Variants in CAST observed in about 807,000 individuals in gnomAD.
CAST encodes MIR583 host.
A neutral mutation model predicts 119.6 loss-of-function variants in CAST; 76 were observed. The ratio of observed to expected loss-of-function variants is 0.64; its 90% CI spans 0.53 to 0.77. The LOEUF is 0.77. Among genes scored for constraint, CAST ranks in the 30% least tolerant of loss-of-function variants. The pLI is 0.00. For missense variants in CAST, 953 were observed against 946.5 expected, an observed-to-expected ratio of 1.01 and a Z score of -0.09; for synonymous variants, 319 against 331.6, an observed-to-expected ratio of 0.96 and a Z score of 0.41.
chr5:96,517,456 G>A, the CAST span, among the ~76,000 whole-genome samples: 1 of 152,188 alleles, frequency 6.6e-6, no homozygotes, highest in Non-Finnish European at 1.5e-5. Flanking sequence ...TCACCGTGGA[G>A]ACCAGAGAAT....
chr5:96,536,338 G>A lies in CAST; in HGVS notation c.60+6458G>A, dbSNP rs554693996. On this transcript the variant is annotated intron_variant, in intron 1 of 11. Coordinates refer to the CAST transcript ENST00000505143. ...CGTGCCACTGTACTCCAGCCTGGGCGACAAGAGCAAAACTCCGTCTCCAAA... is the reference window on the plus strand; with the variant it reads ...CGTGCCACTGTACTCCAGCCTGGGCAACAAGAGCAAAACTCCGTCTCCAAA... Among the ~76,000 whole-genome samples the A allele has an allele frequency of 4.6e-5, 7 of 152,222 alleles. No homozygotes were observed. In the East Asian group the frequency reaches 7.8e-4, roughly 17 times the overall value.
chr5:96,530,221 G>A (rs1745667034), intron 1 of CAST, among the ~76,000 whole-genome samples: 1 of 152,182 alleles, frequency 6.6e-6, no homozygotes, highest in South Asian at 2.1e-4. Context: ...ATCACGGAAG[G>A]CTTCTCTGGG....
chr5:96,434,270 C>T, the CAST span: 1 of 152,174 alleles, frequency 6.6e-6, no homozygotes, highest in Non-Finnish European at 1.5e-5. Flanking sequence ...CTATTCGAAC[C>T]CTGAGGGATT....
intron 1 of CAST, among the ~76,000 whole-genome samples, chr5:96,672,568 G>A (rs1241860691): frequency 6.6e-6 from 1 of 152,018 alleles, no homozygotes; most frequent in African/African-American, 2.4e-5. Flanking sequence ...TTAATCGGAT[G>A]TGGTGGTGCA....
the CAST span, chr5:96,425,846 G>C: frequency 6.2e-7 from 1 of 1,600,716 alleles, no homozygotes; most frequent in Non-Finnish European, 8.6e-7. Context: ...TTCCACATGG[G>C]ATCATTGAAG....
the CAST span, among the ~76,000 whole-genome samples, chr5:96,094,726 G>A: frequency 6.6e-6 from 1 of 152,168 alleles, no homozygotes; most frequent in Non-Finnish European, 1.5e-5. Flanking sequence ...TCACTCTACT[G>A]TGAAGAGCTT....
At chr5:96,733,769 C>T (rs1026987339) in intron 9 of CAST, among the ~76,000 whole-genome samples, 1 of 152,134 alleles carries the variant, frequency 6.6e-6, no homozygotes, top group Non-Finnish European at 1.5e-5. Flanking sequence ...CCCAGCTACT[C>T]AAGAGGCTGA....
chr5:96,740,388 G>A (rs1484672787), intron 12 of CAST, among the ~76,000 whole-genome samples: 1 of 152,132 alleles, frequency 6.6e-6, no homozygotes, highest in East Asian at 1.9e-4. Context: ...TCTGAGGGCT[G>A]TGAGGGAAAG....
the CAST span, among the ~76,000 whole-genome samples, chr5:96,010,086 A>G: frequency 2.6e-5 from 4 of 152,156 alleles, no homozygotes; most frequent in Non-Finnish European, 4.4e-5. Flanking sequence ...CAGCCTTGTC[A>G]AAGATCAGAT....
chr5:96,352,766 G>A, the CAST span, among the ~76,000 whole-genome samples: 5 of 152,118 alleles, frequency 3.3e-5, no homozygotes, highest in South Asian at 6.2e-4. Flanking sequence ...CCTGGTGGGA[G>A]GTGATTGGAT....
At chr5:96,535,951 G>A (rs1175084735) in intron 1 of CAST, among the ~76,000 whole-genome samples, 1 of 147,072 alleles carries the variant, frequency 6.8e-6, no homozygotes, top group Non-Finnish European at 1.5e-5. Flanking sequence ...TGAAGATACT[G>A]TTGTTTTGTT....
chr5:96,036,548 T>C, the CAST span, among the ~76,000 whole-genome samples: 3 of 152,290 alleles, frequency 2.0e-5, no homozygotes, highest in Non-Finnish European at 2.9e-5. Flanking sequence ...AAGGAGTCTC[T>C]GTCTCTAGAC....
the CAST span, among the ~76,000 whole-genome samples, chr5:96,498,467 C>T: frequency 2.6e-5 from 4 of 152,164 alleles, no homozygotes; most frequent in African/African-American, 9.7e-5. Flanking sequence ...TGGCCATTTC[C>T]TTTGAAAGGA....
At chr5:96,520,665 T>G (rs1052531626), upstream of CAST, among the ~76,000 whole-genome samples, 1 of 152,202 alleles carries the variant, frequency 6.6e-6, no homozygotes, top group African/African-American at 2.4e-5. Flanking sequence ...TGTTGACATG[T>G]TAGATTCTGG....
At chr5:96,479,074 G>T in the CAST span, among the ~76,000 whole-genome samples, 1 of 152,188 alleles carries the variant, frequency 6.6e-6, no homozygotes, top group Non-Finnish European at 1.5e-5. Context: ...CATAAAGTAG[G>T]AGAGCAGCTG....
chr5:96,746,668 C>T (rs1050366716), intron 17 of CAST, among the ~76,000 whole-genome samples: 1 of 152,164 alleles, frequency 6.6e-6, no homozygotes, highest in African/African-American at 2.4e-5. Context: ...TTAAATGTTT[C>T]GTTTATTAAC....
the CAST span, chr5:96,393,367 T>G: frequency 5.6e-6 from 9 of 1,613,854 alleles, no homozygotes; most frequent in Non-Finnish European, 7.6e-6. Flanking sequence ...GGTTCTCTTG[T>G]GTGGGCTGCT....
At chr5:96,720,893 T>C (rs545810872) in intron 3 of CAST, among the ~76,000 whole-genome samples, 1 of 152,334 alleles carries the variant, frequency 6.6e-6, no homozygotes, top group South Asian at 2.1e-4. Context: ...GTGTTGGTGT[T>C]GCATGGTTGA....
chr5:96,540,184 G>C (rs150653011), intron 1 of CAST, among the ~76,000 whole-genome samples: 116 of 152,026 alleles, frequency 7.6e-4, no homozygotes, highest in Non-Finnish European at 1.4e-3. Context: ...CTTTTAAACA[G>C]TTAATTATAT....
Sources: gnomAD v4.1 joint callset for allele counts (sites outside exome capture counted in the v4.1 genomes callset) on GRCh38, gnomAD v4.1.1 for gene constraint, MANE v1.5 for transcripts, NCBI Gene and HGNC (gene_info 2026-07-23, HGNC 2026-07-21) for gene names.